Variants in IFT56 observed in about 807,000 individuals in gnomAD.
IFT56 encodes intraflagellar transport 56.
At chr7:139,190,125 A>G in the IFT56 span, 1 of 152,262 alleles carries the variant, frequency 6.6e-6, no homozygotes, top group Non-Finnish European at 1.5e-5. Context: ...AACAATGTTT[A>G]TGAATCTCAC....
the IFT56 span, chr7:139,173,081 C>A: frequency 1.4e-6 from 1 of 731,908 alleles, no homozygotes; most frequent in Non-Finnish European, 2.5e-6. Context: ...TTGTGGGTGG[C>A]TGGTTCACTA....
the IFT56 span, chr7:139,172,398 A>T: frequency 2.9e-6 from 1 of 346,474 alleles, no homozygotes; most frequent in Admixed American, 4.1e-5. Flanking sequence ...CAGAGCCGCC[A>T]GGTGGGCATT....
At chr7:139,145,216 A>G in the IFT56 span, among the ~76,000 whole-genome samples, 1 of 151,668 alleles carries the variant, frequency 6.6e-6, no homozygotes, top group Non-Finnish European at 1.5e-5. Flanking sequence ...CCCAATCTCT[A>G]TTTTTTTGTC....
At chr7:139,189,438 C>T in the IFT56 span, 58 of 1,581,784 alleles carry the variant, frequency 3.7e-5, no homozygotes, top group Middle Eastern at 1.7e-4. Flanking sequence ...TCTAAAATAG[C>T]GCCAGCGTCC....
At chr7:139,169,371 C>A in the IFT56 span, 3 of 1,609,136 alleles carry the variant, frequency 1.9e-6, no homozygotes, top group Non-Finnish European at 2.6e-6. Context: ...GAAATCTGTA[C>A]TTATGATCTG....
At chr7:139,137,715 T>C in the IFT56 span, 36 of 629,246 alleles carry the variant, frequency 5.7e-5, 1 homozygote, top group Non-Finnish European at 9.2e-5. Flanking sequence ...ATAGGTTTAA[T>C]TAAACCTCAT....
the IFT56 span, among the ~76,000 whole-genome samples, chr7:139,177,887 C>T: frequency 6.6e-5 from 10 of 152,144 alleles, no homozygotes; most frequent in Non-Finnish European, 1.2e-4. Flanking sequence ...GGAGACCAGG[C>T]CACACTAATT....
chr7:139,139,551 G>A, the IFT56 span, among the ~76,000 whole-genome samples: 2 of 152,280 alleles, frequency 1.3e-5, no homozygotes, highest in Admixed American at 6.5e-5. Context: ...TTAACTGAAC[G>A]TGTGAATTTC....
At chr7:139,186,614 A>G in the IFT56 span, among the ~76,000 whole-genome samples, 2 of 152,172 alleles carry the variant, frequency 1.3e-5, 1 homozygote, top group South Asian at 4.1e-4. Context: ...ACATCTAAGC[A>G]TTCTGAGAAT....
At chr7:139,185,953 TGTTTTCC>T in the IFT56 span, among the ~76,000 whole-genome samples, 1 of 151,984 alleles carries the variant, frequency 6.6e-6, no homozygotes, top group Non-Finnish European at 1.5e-5. Context: ...AAGAAAGTTG[TGTTTTCC>T]CTATGAAGTA....
the IFT56 span, among the ~76,000 whole-genome samples, chr7:139,170,868 A>G: frequency 1.3e-5 from 2 of 152,250 alleles, no homozygotes; most frequent in African/African-American, 4.8e-5. Flanking sequence ...GACAAGAGAA[A>G]GAAATAAAGG....
the IFT56 span, among the ~76,000 whole-genome samples, chr7:139,155,801 A>C: frequency 1.3e-5 from 2 of 152,050 alleles, no homozygotes; most frequent in African/African-American, 4.8e-5. Context: ...TATAAGGGGA[A>C]AAGTTCCGTC....
At chr7:139,173,481 G>C in the IFT56 span, 1 of 685,230 alleles carries the variant, frequency 1.5e-6, no homozygotes, top group Non-Finnish European at 2.7e-6. Context: ...CACTCACCTC[G>C]GCCTCCCAAA....
chr7:139,139,694 C>T, the IFT56 span, among the ~76,000 whole-genome samples: 2 of 152,120 alleles, frequency 1.3e-5, no homozygotes, highest in African/African-American at 4.8e-5. Flanking sequence ...ATTATATGGA[C>T]AATAGTCCTG....
the IFT56 span, among the ~76,000 whole-genome samples, chr7:139,174,743 G>C: frequency 3.5e-3 from 529 of 152,224 alleles, 6 homozygotes; most frequent in East Asian, 0.011. Context: ...TACAAGGCCC[G>C]GGTGCCGTGG....
At chr7:139,134,386 T>C in the IFT56 span, among the ~76,000 whole-genome samples, 4 of 152,026 alleles carry the variant, frequency 2.6e-5, no homozygotes, top group African/African-American at 9.7e-5. Flanking sequence ...TTCTTCTGCC[T>C]CAGCCTCCCG....
chr7:139,182,570 A>G, the IFT56 span, among the ~76,000 whole-genome samples: 1 of 152,210 alleles, frequency 6.6e-6, no homozygotes, highest in Non-Finnish European at 1.5e-5. Flanking sequence ...GTATTCATCA[A>G]GATTAGCAAT....
the IFT56 span, among the ~76,000 whole-genome samples, chr7:139,189,087 A>G: frequency 6.6e-6 from 1 of 152,238 alleles, no homozygotes; most frequent in African/African-American, 2.4e-5. Context: ...AGTATGGATA[A>G]ACAAGGAACA....
At chr7:139,162,864 CAGG>C in the IFT56 span, among the ~76,000 whole-genome samples, 1 of 151,212 alleles carries the variant, frequency 6.6e-6, no homozygotes, top group Non-Finnish European at 1.5e-5. Context: ...GAGGCCAGGG[CAGG>C]AGAATTGCTT....
Sources: allele counts gnomAD v4.1 joint callset (sites outside exome capture counted in the v4.1 genomes callset), GRCh38; gene constraint gnomAD v4.1.1; transcripts MANE v1.5; gene names NCBI Gene and HGNC (gene_info 2026-07-23, HGNC 2026-07-21).